Variants in VPS53 observed in about 807,000 individuals in gnomAD.
The protein encoded by VPS53 is VPS53 subunit of GARP complex, also known as vacuolar protein sorting-associated protein 53 homolog.
In VPS53, 70 loss-of-function variants were observed where a neutral mutation model predicts 107.0. The ratio of observed to expected loss-of-function variants is 0.65; its 90% CI spans 0.54 to 0.80. The LOEUF is 0.80. Ranked by LOEUF, VPS53 falls within the 30% of genes least tolerant of loss-of-function variation. VPS53 has a pLI of 0.00. For synonymous variants in VPS53, 409 were observed against 393.3 expected, an observed-to-expected ratio of 1.04 and a Z score of -0.47; for missense variants, 917 against 1,049.4, an observed-to-expected ratio of 0.87 and a Z score of 1.74.
rs762747491 is a variant in VPS53 at position 560,421 on chromosome 17, C to T, written c.1704+5G>A. 1.9e-6 allele frequency: 3 copies of T among 1,608,434 alleles called. No homozygotes were observed. In the African/African-American group the frequency reaches 4.0e-5, roughly 22 times the overall value. ...GGTGGTGAGTGGGCAGCCAGGATGG[C>T]TCACCTGCTGGGTGGTGGCCAGACA... On this transcript the variant is annotated splice_donor_5th_base_variant and intron_variant, in intron 15 of 21. Coordinates refer to ENST00000437048, the MANE Select transcript of VPS53 (RefSeq NM_001128159.3).
rs540339825 is a variant in VPS53 at position 663,206 on chromosome 17, A to T, written c.286-1311T>A. On this transcript the variant is annotated intron_variant, in intron 4 of 21. Coordinates refer to ENST00000437048, the MANE Select transcript of VPS53 (RefSeq NM_001128159.3). Reference sequence around the variant, plus strand: ...GACTGAGCGAGATCTTGTCTCAAAAAAACAAGCAAAAAGCTAATGGTGAGC... The same window carrying T: ...GACTGAGCGAGATCTTGTCTCAAAATAACAAGCAAAAAGCTAATGGTGAGC... Among the ~76,000 whole-genome samples the T allele has an allele frequency of 9.2e-5, 14 of 152,354 alleles. No homozygotes were observed. The South Asian group carries it at 2.9e-3, about 32-fold the overall frequency.
chr17:631,250 A>G (rs917308933), intron 8 of VPS53, among the ~76,000 whole-genome samples: 1 of 151,678 alleles, frequency 6.6e-6, no homozygotes, highest in African/African-American at 2.4e-5. Flanking sequence ...ATTTCTTTTA[A>G]ATACAGCCAT....
rs1311223389 is a variant in VPS53 at position 520,521 on chromosome 17, A to G, written c.2224-591T>C. Among the ~76,000 whole-genome samples the G allele has an allele frequency of 6.6e-6, 1 of 152,196 alleles. No individual in the cohort carries two copies. Among genetic ancestry groups the G allele is most frequent in the Non-Finnish European group, 1.5e-5 (1 of 68,034 alleles). On this transcript the variant is annotated intron_variant, in intron 20 of 21. Coordinates refer to ENST00000437048, the MANE Select transcript of VPS53 (RefSeq NM_001128159.3). The surrounding 1 kb of genome is among the most constrained non-coding windows in gnomAD (Gnocchi z 4.4). The stretch of plus-strand genomic sequence containing the variant: ...TGTAACTTCATGTAACGACTAACTT[A>G]AACTATCAATTAACATACAAACAAA...
rs1214175038 is a variant in VPS53 at position 517,160 on chromosome 17, C to T, written c.*1968G>A. On this transcript the variant is annotated 3_prime_UTR_variant, in exon 22 of 22. Coordinates refer to ENST00000437048, the MANE Select transcript of VPS53 (RefSeq NM_001128159.3). ...CTACAGGGCTTCCTGGGGGCTCTCC[C>T]GACTGCCGCCCCCCGCCCTTGTCTT... The T allele has an allele frequency of 2.0e-5, 6 of 294,616 alleles. No individual in the cohort carries two copies. The highest frequency in any genetic ancestry group is 1.6e-4 in the South Asian group (1 of 6,092). The allele number at this position is 294,616 out of a possible 1,614,324, so 18.3% of individuals were successfully genotyped here. A position where few individuals can be genotyped will look rare whatever the true frequency, so the allele number is the denominator to read the frequency against.
At position 512,486 on chromosome 17, in the gene VPS53, C is replaced by A. The variant is rs188772649; in HGVS notation, c.*6642G>T. 6.6e-6 allele frequency: 1 copy of A among 152,236 alleles called. No individual in the cohort carries two copies. Among genetic ancestry groups the A allele is most frequent in the South Asian group, 2.1e-4 (1 of 4,832 alleles). The allele number at this position is 152,236 out of a possible 1,614,324, so 9.4% of individuals were successfully genotyped here. ...GACACGTCCTTCATGTCCCACAGAT[C>A]CATGGATCGCCGGCATCTTCCCTCC... On this transcript the variant is annotated 3_prime_UTR_variant, in exon 22 of 22. Coordinates refer to ENST00000437048, the MANE Select transcript of VPS53 (RefSeq NM_001128159.3).
chr17:586,942 G>C (rs974143250), intron 12 of VPS53, among the ~76,000 whole-genome samples: 1 of 151,694 alleles, frequency 6.6e-6, no homozygotes, highest in African/African-American at 2.4e-5. Context: ...AGAATTTTTT[G>C]AATTCCATCA....
chr17:549,163 A>G (rs6598847), intron 17 of VPS53, among the ~76,000 whole-genome samples: 124,426 of 152,086 alleles, frequency 0.82, 51,607 homozygotes, highest in African/African-American at 0.87. Flanking sequence ...CTGTTTAACC[A>G]GCAGCAAAAA....
Position 515,992 on chromosome 17 carries a change from T to A in VPS53, c.*3136A>T, listed in dbSNP as rs1219874684. ...TTTTTTTTTGTATTTTTAGTAGAGA[T>A]GGGATTTTGCCATGTTGGCCAGGCT... is the stretch of plus-strand genomic sequence containing the variant. On this transcript the variant is annotated 3_prime_UTR_variant, in exon 22 of 22. Coordinates refer to ENST00000437048, the MANE Select transcript of VPS53 (RefSeq NM_001128159.3). The A allele has an allele frequency of 1.5e-5, 2 of 136,726 alleles. No individual in the cohort carries two copies. The highest frequency in any genetic ancestry group is 5.7e-5 in the African/African-American group (2 of 34,796). The allele number at this position is 136,726 out of a possible 1,614,324, so 8.5% of individuals were successfully genotyped here.
At chr17:676,117 C>G (rs1247602818) in intron 4 of VPS53, 1 of 152,128 alleles carries the variant, frequency 6.6e-6, no homozygotes, top group African/African-American at 2.4e-5. Flanking sequence ...AGAGGAGACC[C>G]TGGAGTCCAA....
At chr17:682,949 A>G (rs1972455637) in intron 4 of VPS53, among the ~76,000 whole-genome samples, 1 of 152,112 alleles carries the variant, frequency 6.6e-6, no homozygotes, top group African/African-American at 2.4e-5. Flanking sequence ...CAGATGAAGA[A>G]TTGCAGCAGA....
At chr17:612,514 A>G (rs1384143365) in intron 11 of VPS53, among the ~76,000 whole-genome samples, 2 of 139,870 alleles carry the variant, frequency 1.4e-5, no homozygotes, top group African/African-American at 5.5e-5. Context: ...CACACAGTGA[A>G]AACCTGTACA....
chr17:628,170 G>C lies in VPS53; in HGVS notation c.749C>G (p.Pro250Arg). ...DACLVANILD[P>R]RIKQEIIKKF... is the part of the protein sequence containing the mutation. ...TTTGATGATTTCCTGTTTGATCCTGGGATCTAGAATATTAGCAACCAGACA... is the reference window on the plus strand; with the variant it reads ...TTTGATGATTTCCTGTTTGATCCTGCGATCTAGAATATTAGCAACCAGACA... The change falls in exon 9 of 22, where the codon CCC becomes CGC. Residue 250 changes from proline (P) to arginine (R), a missense_variant. Pro to Arg is a moderately radical substitution (Grantham distance 103, BLOSUM62 -2). Coordinates refer to ENST00000437048, the MANE Select transcript of VPS53 (RefSeq NM_001128159.3). The C allele has an allele frequency of 3.1e-6, 5 of 1,613,890 alleles. No individual in the cohort carries two copies. The highest frequency in any genetic ancestry group is 4.2e-6 in the Non-Finnish European group (5 of 1,179,946).
chr17:670,716 A>G (rs1258580498), intron 4 of VPS53, among the ~76,000 whole-genome samples: 16 of 152,206 alleles, frequency 1.1e-4, no homozygotes, highest in Non-Finnish European at 2.4e-4. Context: ...GCAGCCTTTC[A>G]GAGATTTTAA....
intron 11 of VPS53, among the ~76,000 whole-genome samples, chr17:617,461 G>C (rs1215983068): frequency 6.6e-6 from 1 of 152,224 alleles, no homozygotes; most frequent in Non-Finnish European, 1.5e-5. Flanking sequence ...GAGTGCAGTG[G>C]TGCAATCTCA....
At position 645,791 on chromosome 17, in the gene VPS53, G is replaced by A. The variant is rs537382368; in HGVS notation, c.608+7500C>T. On this transcript the variant is annotated intron_variant, in intron 7 of 21. Transcript: ENST00000437048. Reference sequence around the variant, plus strand: ...GGCTCCCACACACATCTCCGTGACCGTGTGGCCACTGCCTCCTAAGGGTCT... The same window carrying A: ...GGCTCCCACACACATCTCCGTGACCATGTGGCCACTGCCTCCTAAGGGTCT... 3.0e-4 allele frequency among the ~76,000 whole-genome samples: 45 copies of A among 150,268 alleles called. 1 individual carries two copies. The highest frequency in any genetic ancestry group is 1.2e-3 in the East Asian group (6 of 5,020).
intron 7 of VPS53, among the ~76,000 whole-genome samples, chr17:639,776 G>C (rs1350533714): frequency 1.3e-5 from 2 of 152,182 alleles, no homozygotes; most frequent in Non-Finnish European, 2.9e-5. Flanking sequence ...GTCTCAGAGG[G>C]GTACGTGGCT....
At chr17:590,666 G>A (rs1453298594) in intron 12 of VPS53, among the ~76,000 whole-genome samples, 36 of 151,226 alleles carry the variant, frequency 2.4e-4, no homozygotes, top group Middle Eastern at 3.4e-3. Flanking sequence ...TTCTGTTTAT[G>A]TGCTGGATTA....
intron 19 of VPS53, among the ~76,000 whole-genome samples, 173 bp from the exon 20 acceptor site, chr17:521,911 C>T (rs942015394): frequency 2.6e-5 from 4 of 152,052 alleles, no homozygotes; most frequent in Admixed American, 2.6e-4. Flanking sequence ...TTCCCATCAC[C>T]TAGGAGAAAC....
At chr17:593,562 T>A (rs1967792498) in intron 12 of VPS53, among the ~76,000 whole-genome samples, 1 of 152,158 alleles carries the variant, frequency 6.6e-6, no homozygotes, top group South Asian at 2.1e-4. Context: ...GAAAAAATGC[T>A]CACCATCACT....
Sources: gnomAD v4.1 joint callset for allele counts (sites outside exome capture counted in the v4.1 genomes callset) on GRCh38, gnomAD v4.1.1 for gene constraint, Gnocchi (gnomAD v3.1) non-coding constraint, MANE v1.5 for transcripts, NCBI Gene and HGNC (gene_info 2026-07-23, HGNC 2026-07-21) for gene names.